The following FHIP1A variants were observed in gnomAD, a reference collection of about 807,000 sequenced individuals.
FHIP1A encodes the protein FHF complex subunit HOOK-interacting protein 1A.
Under a neutral mutation model 88.6 loss-of-function variants are expected in FHIP1A, and 61 were observed. The ratio of observed to expected loss-of-function variants is 0.69; its 90% CI spans 0.56 to 0.85. FHIP1A has a LOEUF of 0.85. FHIP1A is among the 40% of genes least tolerant of loss of function. The pLI is 0.00. For synonymous variants in FHIP1A, 478 were observed against 496.0 expected (o/e 0.96, Z 0.48); for missense variants, 1,154 against 1,273.5 (o/e 0.91, Z 1.43).
chr4:151,424,478 G>C (rs1392933828), intron 1 of FHIP1A, among the ~76,000 whole-genome samples: 1 of 152,130 alleles, frequency 6.6e-6, no homozygotes, highest in Non-Finnish European at 1.5e-5. Flanking sequence ...AATCTAGAAT[G>C]AGAATATGGT....
chr4:151,451,806 C>T (rs1269630415), intron 1 of FHIP1A, among the ~76,000 whole-genome samples: 2 of 147,764 alleles, frequency 1.4e-5, no homozygotes. Context: ...CTTTTTCTTT[C>T]TTTTTTTTCT....
chr4:151,416,889 ATCTCCCACC>A (rs1732911178), intron 1 of FHIP1A, among the ~76,000 whole-genome samples: 1 of 152,042 alleles, frequency 6.6e-6, no homozygotes, highest in Admixed American at 6.6e-5. Flanking sequence ...GCTCAAGCGA[ATCTCCCACC>A]TCAGTCTCCT....
intron 10 of FHIP1A, among the ~76,000 whole-genome samples, chr4:151,649,114 C>G (rs1736902559): frequency 6.6e-6 from 1 of 152,186 alleles, no homozygotes; most frequent in Admixed American, 6.5e-5. Context: ...GTGGCAGGTA[C>G]TATATCAGGT....
intron 7 of FHIP1A, among the ~76,000 whole-genome samples, chr4:151,620,804 C>A (rs1735710296): frequency 6.8e-6 from 1 of 147,540 alleles, no homozygotes. Flanking sequence ...GATAATGGTA[C>A]CAAACGATTG....
At chr4:151,559,918 A>G (rs568461591) in intron 3 of FHIP1A, among the ~76,000 whole-genome samples, 6 of 152,264 alleles carry the variant, frequency 3.9e-5, no homozygotes, top group Admixed American at 3.9e-4. Context: ...TTCCACAACT[A>G]CATCTTCAGT....
chr4:151,649,494 G>A lies in FHIP1A; in HGVS notation c.1453G>A (p.Glu485Lys), dbSNP rs781115863. ...GCGGCCATTCCCCGAAGCGTTCTCC[G>A]AGTCAGCCTGCATTGTGGAGTATGG... is the stretch of plus-strand genomic sequence containing the variant. ...VERPFPEAFSESACIVEYGKA... is the reference protein window; with the variant it reads ...VERPFPEAFSKSACIVEYGKA... Residue 485 changes from glutamate (E) to lysine (K), a missense_variant, in exon 11 of 14, where the codon GAG (glutamate) becomes AAG (lysine). Coordinates refer to ENST00000435205, the MANE Select transcript of FHIP1A (RefSeq NM_001109977.3). 1.9e-5 allele frequency: 30 copies of A among 1,551,306 alleles called. No individual in the cohort carries two copies. Among genetic ancestry groups the A allele is most frequent in the East Asian group, 4.9e-5 (2 of 40,930 alleles).
chr4:151,621,153 G>A (rs1735727399), intron 7 of FHIP1A, among the ~76,000 whole-genome samples: 6 of 152,048 alleles, frequency 3.9e-5, no homozygotes, highest in Admixed American at 3.3e-4. Flanking sequence ...TTCTCTCACC[G>A]CACACTAAGT....
intron 1 of FHIP1A, among the ~76,000 whole-genome samples, chr4:151,449,420 C>T (rs1298485861): frequency 3.3e-5 from 5 of 151,590 alleles, no homozygotes; most frequent in African/African-American, 1.2e-4. Flanking sequence ...TATAATTATA[C>T]ATATATATGG....
intron 8 of FHIP1A, among the ~76,000 whole-genome samples, chr4:151,633,263 T>TAAAAA (rs762409086): frequency 6.6e-6 from 1 of 150,714 alleles, no homozygotes; most frequent in Admixed American, 6.6e-5. Context: ...CATGAAGAAA[T>TAAAAA]AAAAAAAAAT....
At chr4:151,433,773 A>G (rs752950599) in intron 1 of FHIP1A, among the ~76,000 whole-genome samples, 5 of 152,150 alleles carry the variant, frequency 3.3e-5, no homozygotes, top group African/African-American at 1.2e-4. Context: ...GAATCAAACT[A>G]CACTATTAGA....
intron 7 of FHIP1A, among the ~76,000 whole-genome samples, chr4:151,601,787 A>G (rs1307755463): frequency 1.3e-5 from 2 of 151,458 alleles, no homozygotes; most frequent in South Asian, 2.1e-4. Context: ...AAAGCTTCCA[A>G]CCTCCTTGAG....
intron 7 of FHIP1A, among the ~76,000 whole-genome samples, chr4:151,594,380 T>C (rs992110090): frequency 2.6e-5 from 4 of 152,182 alleles, no homozygotes; most frequent in Admixed American, 6.5e-5. Context: ...CTGGGCTTTT[T>C]TTTGGTTGGT....
chr4:151,447,630 A>G (rs1214402662), intron 1 of FHIP1A, among the ~76,000 whole-genome samples: 1 of 152,186 alleles, frequency 6.6e-6, no homozygotes, highest in Non-Finnish European at 1.5e-5. Context: ...CTCAAAATTC[A>G]TATGTTGAAG....
chr4:151,531,322 A>C (rs1320413767), intron 3 of FHIP1A, among the ~76,000 whole-genome samples: 1 of 151,862 alleles, frequency 6.6e-6, no homozygotes, highest in African/African-American at 2.4e-5. Context: ...CCACACTTTC[A>C]TTGGATCAGG....
intron 7 of FHIP1A, among the ~76,000 whole-genome samples, chr4:151,604,202 C>T (rs2126834293): frequency 6.6e-6 from 1 of 152,150 alleles, no homozygotes; most frequent in East Asian, 1.9e-4. Context: ...CTGCAGCTGT[C>T]CCTTACATTG....
At chr4:151,467,986 TAA>T (rs34475856) in intron 2 of FHIP1A, among the ~76,000 whole-genome samples, 339 of 133,664 alleles carry the variant, frequency 2.5e-3, no homozygotes, top group Middle Eastern at 3.9e-3. Context: ...TCCCGGAACT[TAA>T]AAAAAAAAAA....
chr4:151,622,719 C>A (rs1578830119), intron 7 of FHIP1A, among the ~76,000 whole-genome samples: 1 of 152,044 alleles, frequency 6.6e-6, no homozygotes, highest in Non-Finnish European at 1.5e-5. Context: ...CTCTGTGGAA[C>A]AATTAGTAAA....
chr4:151,582,011 C>CT (rs35171487), intron 5 of FHIP1A, among the ~76,000 whole-genome samples: 19 of 149,520 alleles, frequency 1.3e-4, no homozygotes, highest in African/African-American at 2.9e-4. Context: ...GACCCTGTCA[C>CT]TTTTTTTTTT....
chr4:151,645,065 T>C (rs1036610917), intron 9 of FHIP1A, among the ~76,000 whole-genome samples: 4 of 152,244 alleles, frequency 2.6e-5, no homozygotes, highest in African/African-American at 9.6e-5. Flanking sequence ...CAGAACAGTC[T>C]TGCCCCCTGT....
Sources: allele counts gnomAD v4.1 joint callset (sites outside exome capture counted in the v4.1 genomes callset), GRCh38; gene constraint gnomAD v4.1.1; transcripts MANE v1.5; gene names NCBI Gene and HGNC (gene_info 2026-07-23, HGNC 2026-07-21).